NBEA: variants seen among roughly 807,000 people sequenced by gnomAD.
NBEA encodes lysosomal-trafficking regulator 2.
A neutral mutation model predicts 343.4 loss-of-function variants in NBEA; 44 were observed. The ratio of observed to expected loss-of-function variants is 0.13; its 90% CI spans 0.10 to 0.16. The LOEUF is 0.16. Ranked by LOEUF, NBEA falls within the 10% of genes least tolerant of loss-of-function variation. The pLI, the probability that NBEA is intolerant of heterozygous loss-of-function variation, is 1.00. For synonymous variants in NBEA, 1,175 were observed against 1,238.7 expected (o/e 0.95, Z 1.08); for missense variants, 2,555 against 3,631.3 (o/e 0.70, Z 7.62).
At chr13:35,349,261 C>T (rs1566012366) in intron 37 of NBEA, 45 bp downstream of exon 37, 3 of 1,086,458 alleles carry the variant, frequency 2.8e-6, no homozygotes, top group Non-Finnish European at 4.1e-6. Flanking sequence ...CTATTATAAG[C>T]CAAAAATCAC....
At chr13:35,129,207 T>C (rs947538592) in intron 17 of NBEA, among the ~76,000 whole-genome samples, 4 of 151,976 alleles carry the variant, frequency 2.6e-5, no homozygotes, top group African/African-American at 9.7e-5. Context: ...ACTTAAAGTA[T>C]AATAAAAGAA....
At chr13:35,387,251 G>T (rs916735311) in intron 38 of NBEA, among the ~76,000 whole-genome samples, 2 of 152,088 alleles carry the variant, frequency 1.3e-5, no homozygotes, top group Non-Finnish European at 1.5e-5. Context: ...AATTATAGAT[G>T]TGCTGTTTAT....
intron 38 of NBEA, among the ~76,000 whole-genome samples, chr13:35,422,211 A>G (rs2044326265): frequency 6.7e-6 from 1 of 150,266 alleles, no homozygotes; most frequent in Non-Finnish European, 1.5e-5. Flanking sequence ...GGTTTGTTAC[A>G]TATGTATACA....
chr13:35,358,572 G>A (rs2152871827), intron 38 of NBEA, among the ~76,000 whole-genome samples: 1 of 151,950 alleles, frequency 6.6e-6, no homozygotes, highest in African/African-American at 2.4e-5. Flanking sequence ...ATAAAAATTA[G>A]CTGGGCATGG....
chr13:35,015,488 A>C (rs2061626222), intron 1 of NBEA, among the ~76,000 whole-genome samples: 1 of 152,066 alleles, frequency 6.6e-6, no homozygotes, highest in Non-Finnish European at 1.5e-5. Context: ...GCTAACAAAC[A>C]GTATATACAA....
intron 38 of NBEA, among the ~76,000 whole-genome samples, chr13:35,384,489 G>GCATCCCAT (rs2042147811): frequency 6.7e-6 from 1 of 149,178 alleles, no homozygotes; most frequent in Non-Finnish European, 1.5e-5. Context: ...TTTTTAAAAT[G>GCATCCCAT]CATCCCATCA....
At chr13:35,250,661 A>C (rs574910973) in intron 34 of NBEA, among the ~76,000 whole-genome samples, 1 of 152,338 alleles carries the variant, frequency 6.6e-6, no homozygotes, top group South Asian at 2.1e-4. Context: ...ATTCTTGGGA[A>C]TATACCATGG....
chr13:35,145,876 G>A (rs972889427), intron 18 of NBEA, among the ~76,000 whole-genome samples: 3 of 152,112 alleles, frequency 2.0e-5, no homozygotes, highest in Non-Finnish European at 4.4e-5. Flanking sequence ...AGGGAGGACA[G>A]GACTATTACA....
intron 55 of NBEA, among the ~76,000 whole-genome samples, chr13:35,661,342 T>C (rs1033634611): frequency 2.0e-5 from 3 of 152,196 alleles, no homozygotes; most frequent in African/African-American, 7.2e-5. Context: ...AGAGAAGAGG[T>C]TGTCCTGCAG....
At chr13:35,295,323 T>A (rs541482185) in intron 35 of NBEA, among the ~76,000 whole-genome samples, 1 of 151,776 alleles carries the variant, frequency 6.6e-6, no homozygotes, top group Non-Finnish European at 1.5e-5. Flanking sequence ...TTCATGATCA[T>A]TGACTATAGA....
chr13:35,209,525 G>T (rs2073625097), intron 32 of NBEA, among the ~76,000 whole-genome samples: 1 of 151,296 alleles, frequency 6.6e-6, no homozygotes, highest in Admixed American at 6.6e-5. Context: ...TAAATTTCCA[G>T]AAATGTTCCT....
intron 20 of NBEA, among the ~76,000 whole-genome samples, chr13:35,156,608 A>G (rs1011029538): frequency 6.6e-6 from 1 of 152,092 alleles, no homozygotes; most frequent in African/African-American, 2.4e-5. Context: ...TAGCTTGAAC[A>G]TGGGGTAAAG....
intron 1 of NBEA, among the ~76,000 whole-genome samples, chr13:34,985,738 A>G (rs1452432288): frequency 1.3e-5 from 2 of 150,532 alleles, no homozygotes; most frequent in African/African-American, 4.8e-5. Context: ...GTCCCTTCAG[A>G]GATTCACCTT....
chr13:35,022,655 G>A (rs1036018360), intron 1 of NBEA, among the ~76,000 whole-genome samples: 4 of 152,048 alleles, frequency 2.6e-5, no homozygotes, highest in Non-Finnish European at 4.4e-5. Context: ...AAATATATAT[G>A]TCTTGGGCAT....
chr13:35,623,628 G>A (rs1181504858), intron 48 of NBEA, among the ~76,000 whole-genome samples: 5 of 151,932 alleles, frequency 3.3e-5, no homozygotes, highest in African/African-American at 1.2e-4. Context: ...AATAACTATA[G>A]ACATAAATAT....
At chr13:35,206,732 C>T (rs2073422198) in intron 31 of NBEA, among the ~76,000 whole-genome samples, 1 of 151,922 alleles carries the variant, frequency 6.6e-6, no homozygotes, top group Middle Eastern at 3.2e-3. Context: ...ATTTAATCTC[C>T]CCAATTGTAT....
At chr13:35,427,120 T>C (rs2044735817) in intron 38 of NBEA, among the ~76,000 whole-genome samples, 1 of 152,206 alleles carries the variant, frequency 6.6e-6, no homozygotes, top group Non-Finnish European at 1.5e-5. Context: ...TCTGAAGCCT[T>C]CTTCTCTCAA....
intron 1 of NBEA, among the ~76,000 whole-genome samples, chr13:35,008,309 C>T (rs552987719): frequency 6.6e-6 from 1 of 152,228 alleles, no homozygotes; most frequent in African/African-American, 2.4e-5. Flanking sequence ...CCATGGATAC[C>T]AAAATCTACG....
chr13:35,641,146 G>A (rs2083929121), intron 49 of NBEA, among the ~76,000 whole-genome samples: 1 of 151,682 alleles, frequency 6.6e-6, no homozygotes. Flanking sequence ...TTATTAATAA[G>A]TTATCAGTAC....
Sources: gnomAD v4.1 joint callset for allele counts (sites outside exome capture counted in the v4.1 genomes callset) on GRCh38, gnomAD v4.1.1 for gene constraint, MANE v1.5 for transcripts, NCBI Gene and HGNC (gene_info 2026-07-23, HGNC 2026-07-21) for gene names.